FXYD5: variants seen among roughly 807,000 people sequenced by gnomAD.
The protein encoded by FXYD5 is FXYD domain-containing ion transport regulator 5.
A neutral mutation model predicts 25.7 loss-of-function variants in FXYD5; 21 were observed. The ratio of observed to expected loss-of-function variants is 0.82; its 90% confidence interval spans 0.58 to 1.18. FXYD5 has a LOEUF of 1.18. Ranked by LOEUF, FXYD5 falls within the 50% of genes most tolerant of loss-of-function variation. FXYD5 has a pLI of 0.00. For missense variants in FXYD5, 229 were observed against 227.7 expected (o/e 1.01, Z -0.04); for synonymous variants, 101 against 90.7 (o/e 1.11, Z -0.64).
chr19:35,155,417 C>A, intron 1 of FXYD5, 134 bp from the exon 2 acceptor site: 1 of 728,826 alleles, frequency 1.4e-6, no homozygotes, highest in South Asian at 1.5e-5. Context: ...GGCCAGCCGT[C>A]AGCCCCTGGC....
At chr19:35,160,159 T>C (rs1421314768) in intron 4 of FXYD5, among the ~76,000 whole-genome samples, 1 of 152,216 alleles carries the variant, frequency 6.6e-6, no homozygotes, top group Non-Finnish European at 1.5e-5. Context: ...CAGTGAGCTA[T>C]GATTGCACCA....
At chr19:35,166,194 TG>T in intron 7 of FXYD5, 23 bp downstream of exon 7, 1 of 1,612,996 alleles carries the variant, frequency 6.2e-7, no homozygotes, top group Non-Finnish European at 8.5e-7. Flanking sequence ...CAGGAAGATG[TG>T]GGGGAAGGAA....
chr19:35,159,394 G>A, intron 4 of FXYD5: 26 of 1,381,618 alleles, frequency 1.9e-5, no homozygotes, highest in Non-Finnish European at 2.5e-5. Flanking sequence ...TGAGCTTAAG[G>A]AGACCTTATG....
At chr19:35,165,701 C>T (rs551561670) in intron 6 of FXYD5, among the ~76,000 whole-genome samples, 3 of 152,280 alleles carry the variant, frequency 2.0e-5, no homozygotes, top group Non-Finnish European at 1.5e-5. Context: ...CTGGTTCAAA[C>T]ACCCCTGACA....
intron 4 of FXYD5, among the ~76,000 whole-genome samples, chr19:35,160,310 C>T (rs1206111488): frequency 6.6e-6 from 1 of 152,180 alleles, no homozygotes; most frequent in Non-Finnish European, 1.5e-5. Context: ...CCCAACCCTA[C>T]AGTGACACTT....
intron 5 of FXYD5, 46 bp from the exon 6 acceptor site, chr19:35,164,110 C>T: frequency 6.2e-7 from 1 of 1,613,912 alleles, no homozygotes; most frequent in African/African-American, 1.3e-5. Context: ...TTGTTTCTGC[C>T]TCCATGGCTC....
intron 7 of FXYD5, 34 bp downstream of exon 7, chr19:35,166,205 A>G (rs2065449053): frequency 1.2e-6 from 2 of 1,612,326 alleles, no homozygotes; most frequent in Non-Finnish European, 1.7e-6. Context: ...GGGGGAAGGA[A>G]AGGTGAGGTC....
chr19:35,161,574 C>T (rs902522578), intron 5 of FXYD5, among the ~76,000 whole-genome samples: 2 of 152,226 alleles, frequency 1.3e-5, no homozygotes, highest in African/African-American at 4.8e-5. Flanking sequence ...TCTCATTGGT[C>T]AGGCCTGAGT....
chr19:35,167,380 C>G (rs1488129898), intron 8 of FXYD5, among the ~76,000 whole-genome samples: 1 of 152,070 alleles, frequency 6.6e-6, no homozygotes, highest in East Asian at 1.9e-4. Context: ...AGGGTTCCAG[C>G]CACTGCCTCA....
At chr19:35,166,072 C>T (rs940615291) in intron 6 of FXYD5, 70 bp from the exon 7 acceptor site, 75 of 1,466,500 alleles carry the variant, frequency 5.1e-5, no homozygotes, top group Non-Finnish European at 6.7e-5. Flanking sequence ...CCTTTCCTGA[C>T]TTTGCCATTC....
chr19:35,165,673 A>G (rs915392359), intron 6 of FXYD5, among the ~76,000 whole-genome samples: 1 of 152,036 alleles, frequency 6.6e-6, no homozygotes, highest in African/African-American at 2.4e-5. Context: ...ATTTTACCCT[A>G]TTCGAGATGG....
At chr19:35,163,480 T>C (rs897902305) in intron 5 of FXYD5, among the ~76,000 whole-genome samples, 3 of 151,724 alleles carry the variant, frequency 2.0e-5, no homozygotes, top group Non-Finnish European at 4.4e-5. Context: ...CAGAATAGTT[T>C]TGTTGTTGTT....
intron 1 of FXYD5, 167 bp from the exon 2 acceptor site, chr19:35,155,384 T>C (rs2065343489): frequency 1.6e-6 from 1 of 641,332 alleles, no homozygotes. Flanking sequence ...TATCCCCACC[T>C]AAGACCCTCC....
rs2065366205 is a variant in FXYD5, at chr19:35,157,406, T to C, written c.62-15T>C. On this transcript the variant is annotated splice_polypyrimidine_tract_variant and intron_variant, in intron 2 of 8. Transcript: ENST00000392219. The stretch of plus-strand genomic sequence containing the variant: ...GACCAGGCTCCCTCCTGACTTCTCA[T>C]CCTTGATTCCCCAGGACAGACGTTG... 6.7e-7 allele frequency: 1 copy of C among 1,491,886 alleles called. No homozygotes were observed. The highest frequency in any genetic ancestry group is 9.4e-7 in the Non-Finnish European group (1 of 1,069,468). The allele number at this position is 1,491,886 out of a possible 1,614,324, so 92.4% of individuals were successfully genotyped here.
chr19:35,159,568 TG>T, intron 4 of FXYD5: 1 of 1,550,658 alleles, frequency 6.4e-7, no homozygotes, highest in Non-Finnish European at 8.7e-7. Context: ...ACATGTTGGC[TG>T]TTTCCAGCTT....
At chr19:35,162,431 C>G (rs1401364105) in intron 5 of FXYD5, among the ~76,000 whole-genome samples, 1 of 152,188 alleles carries the variant, frequency 6.6e-6, no homozygotes, top group Non-Finnish European at 1.5e-5. Context: ...TCTCCCGGTT[C>G]TGGAGATGGG....
Position 35,155,721 on chromosome 19 carries a change from A to G in FXYD5, c.61+110A>G, listed in dbSNP as rs148074921. On this transcript the variant is annotated intron_variant, in intron 2 of 8. Coordinates refer to ENST00000392219, the MANE Select transcript of FXYD5 (RefSeq NM_014164.6). ...CGTGTGAACGTTGTCCTGCCCTGTC[A>G]CCCTCCCGCTGAGCCGGCACCAGGA... 1,562 of 804,622 alleles carry G rather than the reference A, an allele frequency of 1.9e-3. 20 individuals carry two copies. In the African/African-American group the frequency reaches 0.022, roughly 12 times the overall value. The allele number at this position is 804,622 out of a possible 1,614,324, so 49.8% of individuals were successfully genotyped here. A position where few individuals can be genotyped will look rare whatever the true frequency, so the allele number is the denominator to read the frequency against.
intron 4 of FXYD5, among the ~76,000 whole-genome samples, chr19:35,159,158 C>T (rs2065383238): frequency 6.6e-6 from 1 of 151,166 alleles, no homozygotes; most frequent in South Asian, 2.1e-4. Context: ...CTGATTTTTT[C>T]AATCGATGTT....
At position 35,159,488 on chromosome 19, in the gene FXYD5, T is replaced by C. The variant is rs753347457; in HGVS notation, c.199+1088T>C. On this transcript the variant is annotated intron_variant, in intron 4 of 8. Transcript: ENST00000392219. The stretch of plus-strand genomic sequence containing the variant: ...CATCACTGCATAAAGACTTGTTTTG[T>C]TTTCTCTCCTGCCTGGTATTCCACA... 11 of 1,547,996 alleles carry C rather than the reference T, an allele frequency of 7.1e-6. No homozygotes were observed. The East Asian group carries it at 2.4e-4, about 34-fold the overall frequency.
Sources: allele counts gnomAD v4.1 joint callset (sites outside exome capture counted in the v4.1 genomes callset), GRCh38; gene constraint gnomAD v4.1.1; transcripts MANE v1.5; gene names NCBI Gene and HGNC (gene_info 2026-07-23, HGNC 2026-07-21).